FHIT: variants seen among roughly 807,000 people sequenced by gnomAD.
FHIT encodes the protein bis(5'-adenosyl)-triphosphatase.
FHIT carries 19 observed loss-of-function variants against 17.9 expected under a neutral mutation model. The ratio of observed to expected loss-of-function variants is 1.06; its 90% confidence interval spans 0.74 to 1.56. FHIT has a LOEUF of 1.56. FHIT is among the 40% of genes most tolerant of loss of function. The probability of loss-of-function intolerance (pLI) is 0.00; values close to 1 mark genes in which losing one functional copy is unlikely to be tolerated. For synonymous variants in FHIT, 81 were observed against 69.7 expected (o/e 1.16, Z -0.81); for missense variants, 248 against 189.2 (o/e 1.31, Z -1.82).
At chr3:60,141,747 T>C (rs949595417) in intron 5 of FHIT, among the ~76,000 whole-genome samples, 7 of 152,178 alleles carry the variant, frequency 4.6e-5, no homozygotes, top group African/African-American at 1.7e-4. Flanking sequence ...TATTTTCCAG[T>C]TTAATTTCCA....
chr3:60,279,467 T>C (rs1399300449), intron 5 of FHIT, among the ~76,000 whole-genome samples: 2 of 152,128 alleles, frequency 1.3e-5, no homozygotes, highest in Non-Finnish European at 2.9e-5. Context: ...AACTGATGAA[T>C]TCTATCAAAT....
chr3:60,787,427 C>T (rs1159500118), intron 4 of FHIT, among the ~76,000 whole-genome samples: 2 of 152,082 alleles, frequency 1.3e-5, no homozygotes, highest in Non-Finnish European at 2.9e-5. Flanking sequence ...TGTCTGATAC[C>T]CTTCCACTAG....
chr3:60,090,844 G>A (rs1703701025), intron 5 of FHIT, among the ~76,000 whole-genome samples: 2 of 152,184 alleles, frequency 1.3e-5, no homozygotes, highest in African/African-American at 4.8e-5. Flanking sequence ...TGTGAAAGAA[G>A]ATCTGTTGTC....
chr3:60,440,683 A>T (rs1479116260), intron 5 of FHIT, among the ~76,000 whole-genome samples: 1 of 152,104 alleles, frequency 6.6e-6, no homozygotes, highest in Non-Finnish European at 1.5e-5. Flanking sequence ...GTAACCAAAC[A>T]GATAAAATTT....
At chr3:59,926,092 T>C (rs187594988) in intron 7 of FHIT, among the ~76,000 whole-genome samples, 7 of 152,350 alleles carry the variant, frequency 4.6e-5, no homozygotes, top group South Asian at 2.1e-4. Context: ...GAAGAGTATC[T>C]TTTTAAAGTC....
intron 2 of FHIT, among the ~76,000 whole-genome samples, chr3:61,161,624 C>G (rs748590934): frequency 6.6e-6 from 1 of 152,206 alleles, no homozygotes; most frequent in Admixed American, 6.5e-5. Flanking sequence ...TATTTAAAGT[C>G]TTTGCACTGA....
chr3:60,191,490 T>C (rs572635049), intron 5 of FHIT, among the ~76,000 whole-genome samples: 11 of 152,324 alleles, frequency 7.2e-5, no homozygotes, highest in Admixed American at 6.5e-4. Context: ...AATGGCAGTG[T>C]ACATTGCTCA....
intron 2 of FHIT, among the ~76,000 whole-genome samples, chr3:61,100,146 G>A (rs574752683): frequency 6.6e-6 from 1 of 152,098 alleles, no homozygotes; most frequent in East Asian, 1.9e-4. Context: ...GTGCCATGTT[G>A]GTTTGCTGCA....
intron 8 of FHIT, among the ~76,000 whole-genome samples, chr3:59,862,352 TC>T (rs1320761107): frequency 6.6e-6 from 1 of 152,010 alleles, no homozygotes; most frequent in South Asian, 2.1e-4. Flanking sequence ...TCCCACCAGG[TC>T]CCTCCCACGA....
chr3:60,156,349 CAAA>C (rs531763537), intron 5 of FHIT, among the ~76,000 whole-genome samples: 1,374 of 106,452 alleles, frequency 0.013, 27 homozygotes, highest in African/African-American at 0.04. Flanking sequence ...GACTCTGTCT[CAAA>C]AAAAAAAAAA....
At chr3:60,580,438 T>C (rs1679405324) in intron 4 of FHIT, among the ~76,000 whole-genome samples, 1 of 152,184 alleles carries the variant, frequency 6.6e-6, no homozygotes, top group Non-Finnish European at 1.5e-5. Flanking sequence ...TAGGAATTAC[T>C]ACTAGACTTT....
chr3:61,043,700 C>G (rs999413536), intron 2 of FHIT, among the ~76,000 whole-genome samples: 3 of 152,158 alleles, frequency 2.0e-5, no homozygotes, highest in Admixed American at 2.0e-4. Context: ...CCCTGAGACC[C>G]AAGTAGCCTA....
At chr3:59,871,434 TAG>T (rs1293919767) in intron 8 of FHIT, among the ~76,000 whole-genome samples, 2 of 152,116 alleles carry the variant, frequency 1.3e-5, no homozygotes, top group Non-Finnish European at 2.9e-5. Flanking sequence ...TCCTGTAACA[TAG>T]TATCCTTACC....
At chr3:60,916,323 T>C (rs1028615557) in intron 3 of FHIT, among the ~76,000 whole-genome samples, 5 of 152,206 alleles carry the variant, frequency 3.3e-5, no homozygotes, top group Non-Finnish European at 7.4e-5. Context: ...TCTATTTTGA[T>C]AGTTAGAGCC....
chr3:60,421,314 A>G (rs2107264117), intron 5 of FHIT, among the ~76,000 whole-genome samples: 1 of 152,000 alleles, frequency 6.6e-6, no homozygotes, highest in Middle Eastern at 3.4e-3. Flanking sequence ...TGGATTCTGA[A>G]CCCCATCCTA....
At chr3:60,468,715 T>C (rs965448672) in intron 5 of FHIT, among the ~76,000 whole-genome samples, 10 of 152,252 alleles carry the variant, frequency 6.6e-5, no homozygotes, top group South Asian at 6.2e-4. Context: ...GTAGTTTACA[T>C]ACTACAATAG....
chr3:61,245,451 A>G (rs945619308), intron 1 of FHIT, among the ~76,000 whole-genome samples: 13 of 152,200 alleles, frequency 8.5e-5, no homozygotes, highest in Admixed American at 2.0e-4. Context: ...ACTGAAGAGT[A>G]TCCTAAGTAC....
chr3:61,051,859 C>A (rs2034040689), intron 2 of FHIT, among the ~76,000 whole-genome samples: 1 of 152,190 alleles, frequency 6.6e-6, no homozygotes, highest in Non-Finnish European at 1.5e-5. Flanking sequence ...AAAAGTTACA[C>A]TGCATCTAAT....
chr3:60,369,997 A>G (rs1234653214), intron 5 of FHIT, among the ~76,000 whole-genome samples: 1 of 152,230 alleles, frequency 6.6e-6, no homozygotes, highest in Non-Finnish European at 1.5e-5. Context: ...ATAAAAAAAG[A>G]TATTTGTAAC....
Sources: gnomAD v4.1 joint callset for allele counts (sites outside exome capture counted in the v4.1 genomes callset) on GRCh38, gnomAD v4.1.1 for gene constraint, MANE v1.5 for transcripts, NCBI Gene and HGNC (gene_info 2026-07-23, HGNC 2026-07-21) for gene names.